The following NAA11 variants were observed in gnomAD, a reference collection of about 807,000 sequenced individuals.
The protein encoded by NAA11 is N-alpha-acetyltransferase 11.
A neutral mutation model predicts 16.1 loss-of-function variants in NAA11; 15 were observed. The ratio of observed to expected loss-of-function variants is 0.93; its 90% CI spans 0.62 to 1.44. The LOEUF (loss-of-function observed/expected upper bound fraction) is 1.44, where lower values mean the gene tolerates loss of function less well. NAA11 is among the 40% of genes most tolerant of loss of function. NAA11 has a pLI of 0.00. For synonymous variants in NAA11, 122 were observed against 112.4 expected (o/e 1.09, Z -0.54); for missense variants, 298 against 291.3 (o/e 1.02, Z -0.17).
chr4:79,192,694 G>A, the NAA11 span, among the ~76,000 whole-genome samples: 1 of 151,878 alleles, frequency 6.6e-6, no homozygotes, highest in East Asian at 1.9e-4. Context: ...ACATACGTGT[G>A]CATGTGTCTT....
the NAA11 span, among the ~76,000 whole-genome samples, chr4:79,213,484 A>C: frequency 1.3e-5 from 2 of 152,184 alleles, no homozygotes; most frequent in Non-Finnish European, 2.9e-5. Flanking sequence ...TTTTATCAGC[A>C]TAAACTATCC....
the NAA11 span, among the ~76,000 whole-genome samples, chr4:79,195,498 T>A: frequency 6.6e-6 from 1 of 152,258 alleles, no homozygotes; most frequent in South Asian, 2.1e-4. Flanking sequence ...TTAAAATCTT[T>A]AAGAAAATCT....
chr4:79,291,802 C>T (rs906326795), intron 2 of NAA11, among the ~76,000 whole-genome samples: 1 of 151,948 alleles, frequency 6.6e-6, no homozygotes, highest in Non-Finnish European at 1.5e-5. Context: ...TCTGATGAAA[C>T]ATGTTATATA....
At chr4:79,242,251 G>T (rs562724279) in intron 2 of NAA11, among the ~76,000 whole-genome samples, 1 of 124,948 alleles carries the variant, frequency 8.0e-6, no homozygotes, top group African/African-American at 2.8e-5. Context: ...CTTGGAGGGG[G>T]ATATCCTTCT....
the NAA11 span, among the ~76,000 whole-genome samples, chr4:79,191,685 G>C: frequency 3.3e-5 from 5 of 152,064 alleles, no homozygotes; most frequent in Non-Finnish European, 4.4e-5. Flanking sequence ...CTTAAGTTCA[G>C]TTAGATCCCA....
chr4:79,206,228 TC>T, the NAA11 span, among the ~76,000 whole-genome samples: 1 of 152,122 alleles, frequency 6.6e-6, no homozygotes, highest in Non-Finnish European at 1.5e-5. Context: ...TACTGATTCT[TC>T]TAATCCATGA....
chr4:79,185,343 T>C, the NAA11 span, among the ~76,000 whole-genome samples: 5 of 152,194 alleles, frequency 3.3e-5, 1 homozygote, highest in South Asian at 6.2e-4. Flanking sequence ...ACAGCACCTT[T>C]TTCCCCCATA....
the NAA11 span, among the ~76,000 whole-genome samples, chr4:79,202,437 T>A: frequency 3.8e-3 from 564 of 149,818 alleles, 1 homozygote; most frequent in African/African-American, 0.013. Flanking sequence ...TTTTCTCAAC[T>A]GGACCTAAGG....
intron 2 of NAA11, among the ~76,000 whole-genome samples, chr4:79,255,124 T>C (rs1039861844): frequency 1.8e-4 from 27 of 152,084 alleles, no homozygotes; most frequent in Non-Finnish European, 8.8e-5. Flanking sequence ...GGAAAACTGA[T>C]CTATAGTTTC....
downstream of NAA11, among the ~76,000 whole-genome samples, chr4:79,315,979 A>G (rs1269818060): frequency 6.6e-6 from 1 of 152,220 alleles, no homozygotes; most frequent in Non-Finnish European, 1.5e-5. Context: ...GTTTTAGTAA[A>G]TAACACTGCA....
At chr4:79,200,521 T>C in the NAA11 span, among the ~76,000 whole-genome samples, 2 of 151,800 alleles carry the variant, frequency 1.3e-5, no homozygotes, top group Non-Finnish European at 2.9e-5. Context: ...AGTAGGTTTC[T>C]GCCTTCCTGA....
At chr4:79,200,793 G>A in the NAA11 span, among the ~76,000 whole-genome samples, 1 of 151,768 alleles carries the variant, frequency 6.6e-6, no homozygotes, top group Non-Finnish European at 1.5e-5. Context: ...GCAACTCACA[G>A]TGAAATCCTG....
the NAA11 span, among the ~76,000 whole-genome samples, chr4:79,212,930 A>G: frequency 6.6e-6 from 1 of 152,140 alleles, no homozygotes; most frequent in Non-Finnish European, 1.5e-5. Context: ...CATTTTGTCC[A>G]TAAAGCTTTA....
At chr4:79,189,327 T>C in the NAA11 span, among the ~76,000 whole-genome samples, 12 of 151,866 alleles carry the variant, frequency 7.9e-5, no homozygotes, top group African/African-American at 2.7e-4. Context: ...GAGGGAAATA[T>C]TGGAAAGAAC....
At chr4:79,193,961 C>T in the NAA11 span, among the ~76,000 whole-genome samples, 1 of 152,064 alleles carries the variant, frequency 6.6e-6, no homozygotes, top group Non-Finnish European at 1.5e-5. Context: ...AAGTTGGATT[C>T]CTAGGTATTT....
intron 2 of NAA11, among the ~76,000 whole-genome samples, chr4:79,240,038 A>T (rs779243723): frequency 1.2e-4 from 18 of 152,140 alleles, no homozygotes; most frequent in Non-Finnish European, 1.3e-4. Flanking sequence ...GATTAATTAC[A>T]TTGGATGTCT....
chr4:79,200,466 A>G, the NAA11 span, among the ~76,000 whole-genome samples: 1 of 151,808 alleles, frequency 6.6e-6, no homozygotes, highest in Non-Finnish European at 1.5e-5. Context: ...AGGGAAGGAT[A>G]AAACTGTGAA....
chr4:79,201,557 A>G, the NAA11 span, among the ~76,000 whole-genome samples: 1 of 151,584 alleles, frequency 6.6e-6, no homozygotes, highest in East Asian at 1.9e-4. Context: ...CTCTTTTTAT[A>G]TTAATGGTAA....
downstream of NAA11, among the ~76,000 whole-genome samples, chr4:79,222,398 A>T (rs1396207101): frequency 6.6e-6 from 1 of 151,812 alleles, no homozygotes; most frequent in African/African-American, 2.4e-5. Flanking sequence ...TGGGGAAAGG[A>T]TTCTCTATTT....
Sources: allele counts gnomAD v4.1 joint callset (sites outside exome capture counted in the v4.1 genomes callset), GRCh38; gene constraint gnomAD v4.1.1; transcripts MANE v1.5; gene names NCBI Gene and HGNC (gene_info 2026-07-23, HGNC 2026-07-21).